LINGO2: variants seen among roughly 807,000 people sequenced by gnomAD.
The protein encoded by LINGO2 is leucine rich repeat and Ig domain containing 2.
A neutral mutation model predicts 30.6 loss-of-function variants in LINGO2; 14 were observed. That is an observed-to-expected ratio of 0.46 (90% CI 0.30 to 0.72). The LOEUF is 0.72. LINGO2 is among the 30% of genes least tolerant of loss of function. The pLI is 0.07. For missense variants in LINGO2, 729 were observed against 751.7 expected, an observed-to-expected ratio of 0.97 and a Z score of 0.35; for synonymous variants, 317 against 288.5, an observed-to-expected ratio of 1.10 and a Z score of -1.00.
chr9:28,680,086 C>T, the LINGO2 span, among the ~76,000 whole-genome samples: 2 of 151,966 alleles, frequency 1.3e-5, no homozygotes, highest in Non-Finnish European at 1.5e-5. Context: ...CAACTAATTT[C>T]TCCTACCTAA....
At chr9:28,146,288 T>A (rs1827810567) in intron 4 of LINGO2, among the ~76,000 whole-genome samples, 1 of 152,170 alleles carries the variant, frequency 6.6e-6, no homozygotes, top group South Asian at 2.1e-4. Flanking sequence ...GCTTTCATGC[T>A]GTGTCAGAAC....
chr9:28,152,718 C>T (rs1166587533), intron 4 of LINGO2, among the ~76,000 whole-genome samples: 1 of 151,980 alleles, frequency 6.6e-6, no homozygotes, highest in African/African-American at 2.4e-5. Context: ...ACTCAAAATT[C>T]AGAGTGGATC....
At chr9:28,790,847 T>C in the LINGO2 span, among the ~76,000 whole-genome samples, 5 of 152,292 alleles carry the variant, frequency 3.3e-5, no homozygotes, top group Admixed American at 2.6e-4. Context: ...ACATAGTTCA[T>C]TTAAAGTTTG....
chr9:28,308,491 T>G (rs1824465711), intron 3 of LINGO2, among the ~76,000 whole-genome samples: 1 of 146,744 alleles, frequency 6.8e-6, no homozygotes, highest in South Asian at 2.2e-4. Context: ...GAAGAAAACC[T>G]AGGCGTTACC....
At chr9:28,219,094 A>G (rs981579420) in intron 4 of LINGO2, among the ~76,000 whole-genome samples, 2 of 152,194 alleles carry the variant, frequency 1.3e-5, no homozygotes. Flanking sequence ...TAGCTTTTGC[A>G]GAACCAGGAC....
At position 28,260,223 on chromosome 9, in the gene LINGO2, C is replaced by G. The variant is rs911973892; in HGVS notation, c.-87+34985G>C. ...AGGATACTATACTACTCAAAGTGGA[C>G]AAATGATGACTTGTAATTTTTTTTT... On this transcript the variant is annotated intron_variant, in intron 4 of 5. Coordinates refer to ENST00000379992, the Ensembl canonical transcript of LINGO2. Among the ~76,000 whole-genome samples, 5 of 150,126 alleles carry G rather than the reference C, an allele frequency of 3.3e-5. No homozygotes were observed. In the East Asian group the frequency reaches 7.9e-4, roughly 24 times the overall value.
At chr9:28,309,828 A>T (rs1824539185) in intron 3 of LINGO2, among the ~76,000 whole-genome samples, 2 of 152,002 alleles carry the variant, frequency 1.3e-5, no homozygotes, top group African/African-American at 4.8e-5. Flanking sequence ...AAAGCAAACC[A>T]ATTTAAAAAA....
At chr9:28,300,164 T>G (rs968884345) in intron 3 of LINGO2, among the ~76,000 whole-genome samples, 7 of 150,330 alleles carry the variant, frequency 4.7e-5, no homozygotes, top group African/African-American at 1.7e-4. Flanking sequence ...AAGAGAAGAC[T>G]GTGTTGATAG....
rs575558021 is a variant in LINGO2 at position 28,094,528 on chromosome 9, T to A, written c.-86-82123A>T. ...GAAAGGGGATATGTGTGTGTGTGTGTGAGAGAGAGAGAGAGAGAGAGTAAA... is the reference window on the plus strand; with the variant it reads ...GAAAGGGGATATGTGTGTGTGTGTGAGAGAGAGAGAGAGAGAGAGAGTAAA... On this transcript the variant is annotated intron_variant, in intron 4 of 5. Transcript: ENST00000379992. Among the ~76,000 whole-genome samples the A allele has an allele frequency of 7.1e-4, 107 of 150,408 alleles. 1 individual carries two copies. In the South Asian group the frequency reaches 0.011, roughly 16 times the overall value.
At chr9:28,002,264 C>T (rs1229836727) in intron 5 of LINGO2, among the ~76,000 whole-genome samples, 1 of 127,446 alleles carries the variant, frequency 7.8e-6, no homozygotes, top group African/African-American at 2.8e-5. Flanking sequence ...CCCTTCCCTC[C>T]ATTTTTTTTT....
At chr9:28,506,791 A>G (rs1820157932) in intron 1 of LINGO2, among the ~76,000 whole-genome samples, 1 of 151,718 alleles carries the variant, frequency 6.6e-6, no homozygotes. Context: ...TGTTTATGCT[A>G]TAGAAAGTAC....
chr9:28,968,893 G>A, the LINGO2 span, among the ~76,000 whole-genome samples: 6 of 152,114 alleles, frequency 3.9e-5, no homozygotes, highest in Admixed American at 3.9e-4. Flanking sequence ...TAAGATATAT[G>A]CCTATGGGTA....
upstream of LINGO2, among the ~76,000 whole-genome samples, chr9:28,671,576 G>T (rs541879403): frequency 1.1e-4 from 17 of 148,156 alleles, no homozygotes; most frequent in South Asian, 8.5e-4. Flanking sequence ...TCACTTATAA[G>T]TGGAAGCTAA....
intron 4 of LINGO2, among the ~76,000 whole-genome samples, chr9:28,216,962 A>G (rs759837790): frequency 5.3e-5 from 8 of 151,866 alleles, no homozygotes; most frequent in Non-Finnish European, 1.0e-4. Context: ...CCTTCACATT[A>G]TATAAACTAA....
intron 4 of LINGO2, among the ~76,000 whole-genome samples, chr9:28,043,885 C>A (rs1184838148): frequency 6.6e-6 from 1 of 152,142 alleles, no homozygotes. Flanking sequence ...AGTCAATGTT[C>A]AATTTCCCTG....
intron 4 of LINGO2, among the ~76,000 whole-genome samples, chr9:28,213,983 G>T (rs1820681229): frequency 6.6e-6 from 1 of 151,412 alleles, no homozygotes; most frequent in Non-Finnish European, 1.5e-5. Context: ...TCTTAAATGT[G>T]CTCAGAAGAC....
At chr9:28,301,711 T>C (rs569592723) in intron 3 of LINGO2, among the ~76,000 whole-genome samples, 1 of 152,314 alleles carries the variant, frequency 6.6e-6, no homozygotes, top group Admixed American at 6.5e-5. Flanking sequence ...CTTCCATGAA[T>C]TGCATAAAGT....
chr9:28,894,694 A>C, the LINGO2 span, among the ~76,000 whole-genome samples: 1 of 151,198 alleles, frequency 6.6e-6, no homozygotes, highest in Non-Finnish European at 1.5e-5. Context: ...GATATGACAG[A>C]GTGTAAAATA....
At chr9:28,336,279 A>T (rs1422739735) in intron 3 of LINGO2, among the ~76,000 whole-genome samples, 2 of 152,078 alleles carry the variant, frequency 1.3e-5, no homozygotes, top group Non-Finnish European at 2.9e-5. Context: ...TGTTTTGTTA[A>T]TGTTGAGTTT....
Sources: gnomAD v4.1 joint callset for allele counts (sites outside exome capture counted in the v4.1 genomes callset) on GRCh38, gnomAD v4.1.1 for gene constraint, MANE v1.5 for transcripts, NCBI Gene and HGNC (gene_info 2026-07-23, HGNC 2026-07-21) for gene names.